Variants in COX10 observed in about 807,000 individuals in gnomAD.
The protein encoded by COX10 is cytochrome c oxidase assembly factor heme A:farnesyltransferase COX10.
COX10 carries 27 observed loss-of-function variants against 37.3 expected under a neutral mutation model. The observed-to-expected ratio is 0.72, with a 90% CI of 0.53 to 1.00. COX10 has a LOEUF of 1.00. Among genes scored for constraint, COX10 ranks in the 50% least tolerant of loss-of-function variants. The pLI is 0.00. For synonymous variants in COX10, 222 were observed against 229.1 expected (o/e 0.97, Z 0.28); for missense variants, 475 against 563.2 (o/e 0.84, Z 1.59).
intron 4 of COX10, among the ~76,000 whole-genome samples, chr17:14,138,190 A>T (rs2142223899): frequency 6.6e-6 from 1 of 152,040 alleles, no homozygotes; most frequent in South Asian, 2.1e-4. Context: ...ACAAATAGAC[A>T]CCATACTGTA....
chr17:14,071,804 G>A (rs1414609714), intron 1 of COX10, among the ~76,000 whole-genome samples: 6 of 151,828 alleles, frequency 4.0e-5, no homozygotes, highest in Non-Finnish European at 8.8e-5. Context: ...GGAGGCTGAG[G>A]CAGGTGAATC....
chr17:14,104,287 A>C (rs1188888294), intron 4 of COX10, among the ~76,000 whole-genome samples: 1 of 152,164 alleles, frequency 6.6e-6, no homozygotes, highest in African/African-American at 2.4e-5. Flanking sequence ...AGCTTCCCAA[A>C]TCATAATATT....
chr17:14,204,842 C>T (rs1249522798), intron 6 of COX10, among the ~76,000 whole-genome samples: 2 of 152,194 alleles, frequency 1.3e-5, no homozygotes, highest in African/African-American at 4.8e-5. Context: ...TGGCTCATGC[C>T]TGTAATCTCT....
At chr17:14,137,213 T>C (rs1904401022) in intron 4 of COX10, among the ~76,000 whole-genome samples, 1 of 151,634 alleles carries the variant, frequency 6.6e-6, no homozygotes, top group African/African-American at 2.4e-5. Context: ...TAATTCCATT[T>C]CTAGAAGTTT....
intron 3 of COX10, among the ~76,000 whole-genome samples, chr17:14,093,788 G>A (rs1247941595): frequency 1.3e-5 from 2 of 152,200 alleles, no homozygotes; most frequent in Admixed American, 1.3e-4. Context: ...GTCTTGCCTG[G>A]TTTGTGATTT....
intron 4 of COX10, among the ~76,000 whole-genome samples, chr17:14,155,167 A>G (rs974766696): frequency 2.0e-5 from 3 of 152,174 alleles, no homozygotes; most frequent in African/African-American, 7.2e-5. Flanking sequence ...TAGTTGGCCA[A>G]TGCATGGAAG....
intron 5 of COX10, among the ~76,000 whole-genome samples, chr17:14,180,654 G>C (rs1175656004): frequency 6.6e-6 from 1 of 152,140 alleles, no homozygotes; most frequent in Non-Finnish European, 1.5e-5. Flanking sequence ...ATATGAATAT[G>C]AAGAGTTAAC....
At chr17:14,071,815 G>A (rs1447853054) in intron 1 of COX10, among the ~76,000 whole-genome samples, 1 of 151,502 alleles carries the variant, frequency 6.6e-6, no homozygotes, top group East Asian at 1.9e-4. Context: ...CAGGTGAATC[G>A]CTTGAATCCA....
chr17:14,178,642 T>G (rs899654891), intron 5 of COX10, among the ~76,000 whole-genome samples: 6 of 151,632 alleles, frequency 4.0e-5, no homozygotes, highest in Admixed American at 3.3e-4. Flanking sequence ...GCAGCTCAGC[T>G]TCCAGCCTCA....
At chr17:14,108,553 G>A (rs1915946349) in intron 4 of COX10, among the ~76,000 whole-genome samples, 1 of 152,120 alleles carries the variant, frequency 6.6e-6, no homozygotes, top group African/African-American at 2.4e-5. Flanking sequence ...ATCTGTGAAT[G>A]TTGAATAATT....
At chr17:14,126,882 A>G (rs1254733306) in intron 4 of COX10, among the ~76,000 whole-genome samples, 8 of 152,160 alleles carry the variant, frequency 5.3e-5, no homozygotes, top group Admixed American at 2.0e-4. Flanking sequence ...TACTTTAAAT[A>G]TTAATCAGTA....
chr17:14,145,044 A>G (rs563845790), intron 4 of COX10, among the ~76,000 whole-genome samples: 1 of 152,202 alleles, frequency 6.6e-6, no homozygotes, highest in African/African-American at 2.4e-5. Flanking sequence ...TCCTTAGGTA[A>G]TCCTAAAGTT....
chr17:14,077,226 A>G (rs755529003), intron 3 of COX10, 170 bp downstream of exon 3: 33 of 644,110 alleles, frequency 5.1e-5, no homozygotes, highest in Admixed American at 2.9e-5. Context: ...TCTGAATTCT[A>G]TTTACACAGA....
intron 4 of COX10, among the ~76,000 whole-genome samples, chr17:14,152,306 A>G (rs536531419): frequency 7.9e-5 from 12 of 152,308 alleles, no homozygotes; most frequent in African/African-American, 2.6e-4. Flanking sequence ...TGAAAGGCAC[A>G]TCTTACATGC....
At chr17:14,102,355 A>G in intron 4 of COX10, 113 bp downstream of exon 4, 1 of 1,471,090 alleles carries the variant, frequency 6.8e-7, no homozygotes, top group South Asian at 1.1e-5. Flanking sequence ...AAGCATTTGT[A>G]ACACTATATA....
At chr17:14,184,623 A>C (rs1905971628) in intron 5 of COX10, among the ~76,000 whole-genome samples, 1 of 152,230 alleles carries the variant, frequency 6.6e-6, no homozygotes, top group Non-Finnish European at 1.5e-5. Flanking sequence ...AGTGCAGGCA[A>C]GTCAGAAGTC....
At chr17:14,182,313 T>G (rs1185608355) in intron 5 of COX10, 1 of 850,018 alleles carries the variant, frequency 1.2e-6, no homozygotes, top group African/African-American at 1.8e-5. Context: ...TAAAAAGGTG[T>G]CTGTGTATGT....
chr17:14,101,989 A>G lies in COX10; in HGVS notation c.500-129A>G, dbSNP rs998528013. ...GTGGATCTTTTTTAAGCCAAAGATCAGCCTGTACTTTGTGTTATTAATATA... is the reference window on the plus strand; with the variant it reads ...GTGGATCTTTTTTAAGCCAAAGATCGGCCTGTACTTTGTGTTATTAATATA... On this transcript the variant is annotated intron_variant, in intron 3 of 6. Transcript: ENST00000261643. 3 of 1,134,154 alleles carry G rather than the reference A, an allele frequency of 2.6e-6. No individual in the cohort carries two copies. The African/African-American group carries it at 4.6e-5, about 17-fold the overall frequency. 70.3% of individuals were successfully genotyped at this position (1,134,154 alleles called of 1,614,324 possible). A position where few individuals can be genotyped will look rare whatever the true frequency, so the allele number is the denominator to read the frequency against.
chr17:14,126,531 T>A (rs1158048390), intron 4 of COX10, among the ~76,000 whole-genome samples: 1 of 152,190 alleles, frequency 6.6e-6, no homozygotes, highest in Non-Finnish European at 1.5e-5. Context: ...TGTGTTCAAA[T>A]TTTAGTATGG....
Sources: allele counts gnomAD v4.1 joint callset (sites outside exome capture counted in the v4.1 genomes callset), GRCh38; gene constraint gnomAD v4.1.1; transcripts MANE v1.5; gene names NCBI Gene and HGNC (gene_info 2026-07-23, HGNC 2026-07-21).